Variants in SLC35D2 observed in about 807,000 individuals in gnomAD.
SLC35D2 encodes solute carrier family 35 member D2.
Under a neutral mutation model 41.8 loss-of-function variants are expected in SLC35D2, and 43 were observed. The ratio of observed to expected loss-of-function variants is 1.03; its 90% CI spans 0.81 to 1.33. SLC35D2 has a LOEUF of 1.33. Among genes scored for constraint, SLC35D2 ranks in the 40% most tolerant of loss-of-function variants. The pLI is 0.00. For synonymous variants in SLC35D2, 150 were observed against 163.9 expected (o/e 0.92, Z 0.65); for missense variants, 380 against 408.4 (o/e 0.93, Z 0.60).
At chr9:96,356,355 A>G (rs1257136000) in intron 4 of SLC35D2, among the ~76,000 whole-genome samples, 2 of 147,780 alleles carry the variant, frequency 1.4e-5, no homozygotes, top group Non-Finnish European at 1.5e-5. Context: ...CACAATCCCT[A>G]TCGAATCTTA....
downstream of SLC35D2, among the ~76,000 whole-genome samples, chr9:96,319,191 G>A (rs1053140454): frequency 5.3e-5 from 8 of 152,186 alleles, no homozygotes; most frequent in Non-Finnish European, 2.9e-5. Flanking sequence ...AAGGAAGGAT[G>A]CTCTGCATGC....
At chr9:96,333,179 G>A (rs538466831) in intron 9 of SLC35D2, among the ~76,000 whole-genome samples, 3 of 151,870 alleles carry the variant, frequency 2.0e-5, no homozygotes, top group African/African-American at 7.2e-5. Context: ...TTACAGGCAT[G>A]AGCCACTGCG....
chr9:96,332,018 G>A (rs1353252528), intron 9 of SLC35D2, among the ~76,000 whole-genome samples: 1 of 152,178 alleles, frequency 6.6e-6, no homozygotes, highest in African/African-American at 2.4e-5. Flanking sequence ...AAAGGTTGGG[G>A]ACTGCTGGTT....
chr9:96,345,773 C>T (rs915726200), intron 6 of SLC35D2, among the ~76,000 whole-genome samples: 12 of 152,280 alleles, frequency 7.9e-5, no homozygotes, highest in African/African-American at 2.9e-4. Flanking sequence ...AGGGCCACCT[C>T]CAGGGTGCAG....
intron 3 of SLC35D2, among the ~76,000 whole-genome samples, chr9:96,360,475 A>G (rs892764438): frequency 7.9e-5 from 12 of 151,702 alleles, no homozygotes; most frequent in Admixed American, 3.3e-4. Context: ...CTAAAAATAC[A>G]AAAATTAATT....
At chr9:96,324,880 C>T (rs913215430) in intron 9 of SLC35D2, among the ~76,000 whole-genome samples, 8 of 152,120 alleles carry the variant, frequency 5.3e-5, no homozygotes, top group East Asian at 1.9e-4. Flanking sequence ...CAACACACAA[C>T]GAACGATGCC....
In SLC35D2 at chr9:96,345,353, A is replaced by G; in HGVS notation, c.537T>C (p.Asn179=). 3.7e-6 allele frequency: 6 copies of G among 1,611,998 alleles called. No individual in the cohort carries two copies. The highest frequency in any genetic ancestry group is 1.3e-5 in the African/African-American group (1 of 74,954). ...NLEGYIFVFL[N]DIFTAANGVY... is the part of the protein sequence containing the mutation. The stretch of plus-strand genomic sequence containing the variant: ...CTCCATTTGCTGCTGTGAAGATATC[A>G]TTCAGGAATACAAAAATATAGCCTT... Residue 179 remains asparagine, a synonymous_variant, in exon 7 of 12, where the codon AAT becomes AAC. Coordinates refer to ENST00000253270, the MANE Select transcript of SLC35D2 (RefSeq NM_007001.3).
At chr9:96,329,002 C>T (rs1182099595) in intron 9 of SLC35D2, among the ~76,000 whole-genome samples, 6 of 150,962 alleles carry the variant, frequency 4.0e-5, no homozygotes, top group South Asian at 2.1e-4. Context: ...GCAGGAGAAT[C>T]GCTTGAACCC....
At chr9:96,341,459 C>G (rs898148213) in intron 8 of SLC35D2, among the ~76,000 whole-genome samples, 3 of 152,178 alleles carry the variant, frequency 2.0e-5, no homozygotes, top group African/African-American at 7.2e-5. Flanking sequence ...AGTGCCTGGA[C>G]TGACCACCTG....
At position 96,358,071 on chromosome 9, in the gene SLC35D2, TTATATATTTTATATA is replaced by T. The variant is rs1453301709; in HGVS notation, c.347+2068_347+2082del. On this transcript the variant is annotated intron_variant, in intron 4 of 11. Coordinates refer to ENST00000253270, the MANE Select transcript of SLC35D2 (RefSeq NM_007001.3). Reference sequence around the variant, plus strand: ...TTTTTATAAATGGATAAACAAAATATTATATATTTTATATATATATATATATATATATATATACCT... The same window carrying T: ...TTTTTATAAATGGATAAACAAAATATTATATATATATATATATATATACCT... Among the ~76,000 whole-genome samples, 3 of 120,854 alleles carry T rather than the reference TTATATATTTTATATA, an allele frequency of 2.5e-5. No homozygotes were observed. In the Admixed American group the frequency reaches 2.8e-4, roughly 11 times the overall value. 79.3% of individuals were successfully genotyped at this position (120,854 alleles called of 152,430 possible). A position where few individuals can be genotyped will look rare whatever the true frequency, so the allele number is the denominator to read the frequency against.
Position 96,330,882 on chromosome 9 carries a change from G to A in SLC35D2, c.752+5835C>T, listed in dbSNP as rs539461498. On this transcript the variant is annotated intron_variant, in intron 9 of 11. Coordinates refer to ENST00000253270, the MANE Select transcript of SLC35D2 (RefSeq NM_007001.3). The stretch of plus-strand genomic sequence containing the variant: ...CCCAAAATCTTCACCCTAAAACAGA[G>A]TTCTGCTGAATTTCACCCTGATTTT... Among the ~76,000 whole-genome samples the A allele has an allele frequency of 2.0e-5, 3 of 152,164 alleles. No homozygotes were observed. The East Asian group carries it at 5.8e-4, about 29-fold the overall frequency.
chr9:96,337,379 A>G (rs1829093631), intron 8 of SLC35D2, among the ~76,000 whole-genome samples: 1 of 150,940 alleles, frequency 6.6e-6, no homozygotes, highest in African/African-American at 2.4e-5. Flanking sequence ...ATGCCTGGCT[A>G]ATTTTTTTTT....
intron 4 of SLC35D2, among the ~76,000 whole-genome samples, chr9:96,358,730 T>TTA (rs1435704805): frequency 7.2e-5 from 11 of 152,244 alleles, no homozygotes; most frequent in African/African-American, 2.4e-4. Flanking sequence ...GGCTCATGCC[T>TTA]GTAATCCAAG....
chr9:96,360,284 T>C lies in SLC35D2; in HGVS notation c.280-63A>G, dbSNP rs375217453. 10 of 1,272,660 alleles carry C rather than the reference T, an allele frequency of 7.9e-6. No individual in the cohort carries two copies. In the African/African-American group the frequency reaches 1.3e-4, roughly 17 times the overall value. 78.8% of individuals were successfully genotyped at this position (1,272,660 alleles called of 1,614,324 possible). ...ACTCCAATAAGCATTTTCCTTCACA[T>C]ATAAAAATGGTGACAGATACTTCAC... On this transcript the variant is annotated intron_variant, in intron 3 of 11. Coordinates refer to ENST00000253270, the MANE Select transcript of SLC35D2 (RefSeq NM_007001.3).
intron 1 of SLC35D2, among the ~76,000 whole-genome samples, chr9:96,379,769 A>G (rs936202881): frequency 4.6e-5 from 7 of 152,326 alleles, no homozygotes; most frequent in South Asian, 2.1e-4. Flanking sequence ...CTCCAACTGT[A>G]TATTACATTA....
intron 9 of SLC35D2, among the ~76,000 whole-genome samples, chr9:96,329,355 T>C (rs1828704346): frequency 6.6e-6 from 1 of 151,972 alleles, no homozygotes; most frequent in South Asian, 2.1e-4. Context: ...CTCACCCTCC[T>C]GAGTAGCTGG....
chr9:96,318,523 C>T (rs1204669616), downstream of SLC35D2, among the ~76,000 whole-genome samples: 1 of 151,854 alleles, frequency 6.6e-6, no homozygotes, highest in Non-Finnish European at 1.5e-5. Context: ...ACTCCTACAA[C>T]TCAACAACAA....
intron 9 of SLC35D2, among the ~76,000 whole-genome samples, chr9:96,325,501 G>C (rs527253382): frequency 6.6e-6 from 1 of 152,122 alleles, no homozygotes; most frequent in African/African-American, 2.4e-5. Context: ...TGGCCAACAT[G>C]GTGAAACCCT....
intron 11 of SLC35D2, 65 bp from the exon 12 acceptor site, chr9:96,321,406 G>T: frequency 1.7e-6 from 2 of 1,181,754 alleles, no homozygotes; most frequent in Non-Finnish European, 1.3e-6. Context: ...AGCAGCAGTT[G>T]CTGGCGTTTT....
Sources: gnomAD v4.1 joint callset for allele counts (sites outside exome capture counted in the v4.1 genomes callset) on GRCh38, gnomAD v4.1.1 for gene constraint, MANE v1.5 for transcripts, NCBI Gene and HGNC (gene_info 2026-07-23, HGNC 2026-07-21) for gene names.